The following STOX2 variants were observed in gnomAD, a reference collection of about 807,000 sequenced individuals.
The protein encoded by STOX2 is storkhead-box protein 2.
In STOX2, 28 loss-of-function variants were observed where a neutral mutation model predicts 60.9. The ratio of observed to expected loss-of-function variants is 0.46; its 90% CI spans 0.34 to 0.63. The LOEUF is 0.63. Among genes scored for constraint, STOX2 ranks in the 30% least tolerant of loss-of-function variants. The pLI is 0.01. For missense variants in STOX2, 1,024 were observed against 1,187.7 expected (o/e 0.86, Z 2.03); for synonymous variants, 472 against 463.9 (o/e 1.02, Z -0.22).
At chr4:183,990,093 G>T (rs978248134) in intron 1 of STOX2, among the ~76,000 whole-genome samples, 1 of 152,190 alleles carries the variant, frequency 6.6e-6, no homozygotes, top group Non-Finnish European at 1.5e-5. Flanking sequence ...TTTCTGCATA[G>T]CAGTTTGCAT....
At chr4:183,823,553 G>C (rs1434235245) in intron 1 of STOX2, among the ~76,000 whole-genome samples, 1 of 152,190 alleles carries the variant, frequency 6.6e-6, no homozygotes, top group African/African-American at 2.4e-5. Flanking sequence ...TCATAGACCT[G>C]GAAGATGAGG....
chr4:183,950,253 T>C (rs1221038488), intron 1 of STOX2, among the ~76,000 whole-genome samples: 1 of 152,180 alleles, frequency 6.6e-6, no homozygotes, highest in Non-Finnish European at 1.5e-5. Context: ...TGTGCCTGGG[T>C]GTGGTCTAGG....
chr4:183,885,501 G>T (rs1741059464), intron 1 of STOX2, among the ~76,000 whole-genome samples: 1 of 152,194 alleles, frequency 6.6e-6, no homozygotes, highest in Non-Finnish European at 1.5e-5. Context: ...TGTGCAGCGA[G>T]ACAAATGAGG....
intron 1 of STOX2, among the ~76,000 whole-genome samples, chr4:183,802,437 C>A: frequency 6.6e-6 from 1 of 152,098 alleles, no homozygotes; most frequent in South Asian, 2.1e-4. Context: ...TGCAGTGGCA[C>A]TATCATGGCT....
intron 1 of STOX2, among the ~76,000 whole-genome samples, chr4:183,927,587 T>C (rs563420401): frequency 6.6e-6 from 1 of 151,914 alleles, no homozygotes; most frequent in Non-Finnish European, 1.5e-5. Context: ...TTTTAAATAG[T>C]GTGTTTAAAA....
intron 1 of STOX2, among the ~76,000 whole-genome samples, chr4:183,799,458 T>C (rs1297240220): frequency 1.3e-5 from 2 of 152,240 alleles, no homozygotes; most frequent in Non-Finnish European, 2.9e-5. Flanking sequence ...CCGTATAGAT[T>C]GCTCTACAGG....
At chr4:183,971,503 T>C (rs962317364) in intron 1 of STOX2, among the ~76,000 whole-genome samples, 1 of 152,166 alleles carries the variant, frequency 6.6e-6, no homozygotes, top group Admixed American at 6.5e-5. Flanking sequence ...ACAGCACTCA[T>C]GTCAATCAGT....
chr4:183,826,843 C>T (rs1036010293), intron 1 of STOX2, among the ~76,000 whole-genome samples: 2 of 152,208 alleles, frequency 1.3e-5, no homozygotes, highest in African/African-American at 4.8e-5. Flanking sequence ...TTTTATGTTC[C>T]TCTCTGATCT....
intron 1 of STOX2, among the ~76,000 whole-genome samples, chr4:183,898,167 C>G (rs1465739023): frequency 6.6e-6 from 1 of 152,144 alleles, no homozygotes; most frequent in Non-Finnish European, 1.5e-5. Flanking sequence ...CTTCCGCCCT[C>G]CCTCTCCTTC....
chr4:183,970,251 C>T (rs548125297), intron 1 of STOX2, among the ~76,000 whole-genome samples: 92 of 151,202 alleles, frequency 6.1e-4, no homozygotes, highest in Middle Eastern at 3.4e-3. Context: ...TACAATTTCT[C>T]GTGGCTTCAG....
At chr4:183,967,789 G>A (rs775772580) in intron 1 of STOX2, among the ~76,000 whole-genome samples, 3 of 152,170 alleles carry the variant, frequency 2.0e-5, no homozygotes, top group Non-Finnish European at 2.9e-5. Flanking sequence ...GTAGTGCCAC[G>A]AAAGTATGAA....
intron 3 of STOX2, chr4:184,014,334 C>A (rs934159115): frequency 6.6e-6 from 1 of 151,998 alleles, no homozygotes; most frequent in South Asian, 2.1e-4. Flanking sequence ...ACGTGAGAAG[C>A]CTGTGATTTC....
At chr4:183,798,401 TC>T (rs888068191) in intron 1 of STOX2, among the ~76,000 whole-genome samples, 2 of 151,370 alleles carry the variant, frequency 1.3e-5, no homozygotes, top group Middle Eastern at 3.4e-3. Context: ...AGTGTCCCCC[TC>T]CCGGCACTGC....
chr4:183,973,293 A>G (rs1743795395), intron 1 of STOX2, among the ~76,000 whole-genome samples: 1 of 152,200 alleles, frequency 6.6e-6, no homozygotes, highest in Admixed American at 6.5e-5. Flanking sequence ...GTTGAAAACT[A>G]AAGAGAGAAA....
At chr4:183,934,157 G>T (rs1742521623) in intron 1 of STOX2, among the ~76,000 whole-genome samples, 1 of 147,416 alleles carries the variant, frequency 6.8e-6, no homozygotes, top group Admixed American at 6.9e-5. Context: ...ACAAAAATTA[G>T]CCGGGCATGG....
At chr4:183,891,697 T>A (rs1039221931) in intron 1 of STOX2, among the ~76,000 whole-genome samples, 2 of 151,572 alleles carry the variant, frequency 1.3e-5, no homozygotes, top group Non-Finnish European at 2.9e-5. Context: ...ATCTCACAAA[T>A]CACCACTAAA....
intron 1 of STOX2, among the ~76,000 whole-genome samples, chr4:183,978,938 C>T (rs1439555463): frequency 6.6e-6 from 1 of 152,058 alleles, no homozygotes; most frequent in East Asian, 1.9e-4. Context: ...AAAGAGGCCT[C>T]AATTTTGTAT....
chr4:183,914,222 G>T (rs1741865652), intron 1 of STOX2, among the ~76,000 whole-genome samples: 1 of 152,034 alleles, frequency 6.6e-6, no homozygotes, highest in Non-Finnish European at 1.5e-5. Flanking sequence ...TAAGTGGTTG[G>T]GTTTAAGAGG....
At position 184,001,814 on chromosome 4, in the gene STOX2, A is replaced by G. The variant is rs1424276903; in HGVS notation, c.319+337A>G. Among the ~76,000 whole-genome samples the G allele has an allele frequency of 6.6e-6, 1 of 152,170 alleles. No homozygotes were observed. Among genetic ancestry groups the G allele is most frequent in the East Asian group, 1.9e-4 (1 of 5,200 alleles). On this transcript the variant is annotated intron_variant, in intron 2 of 3. Coordinates refer to ENST00000308497, the MANE Select transcript of STOX2 (RefSeq NM_020225.3). The surrounding 1 kb of genome is among the most constrained non-coding windows in gnomAD (Gnocchi z 4.2). ...TGAACGTGAGGGTTCAACGGCTGAA[A>G]ACTTTAGTCCTAGGGAGTTAAACTA... is the stretch of plus-strand genomic sequence containing the variant.
Sources: gnomAD v4.1 joint callset for allele counts (sites outside exome capture counted in the v4.1 genomes callset) on GRCh38, gnomAD v4.1.1 for gene constraint, Gnocchi (gnomAD v3.1) non-coding constraint, MANE v1.5 for transcripts, NCBI Gene and HGNC (gene_info 2026-07-23, HGNC 2026-07-21) for gene names.